The following SND1 variants were observed in gnomAD, a reference collection of about 807,000 sequenced individuals.
SND1 encodes the protein staphylococcal nuclease domain-containing protein 1.
A neutral mutation model predicts 121.7 loss-of-function variants in SND1; 38 were observed. That is an observed-to-expected ratio of 0.31 (90% CI 0.24 to 0.41). The LOEUF is 0.41. Among genes scored for constraint, SND1 ranks in the 10% least tolerant of loss-of-function variants. The pLI is 1.00. For synonymous variants in SND1, 401 were observed against 447.4 expected, an observed-to-expected ratio of 0.90 and a Z score of 1.31; for missense variants, 868 against 1,184.6, an observed-to-expected ratio of 0.73 and a Z score of 3.92.
chr7:127,911,316 G>A (rs1317370371), intron 14 of SND1, among the ~76,000 whole-genome samples: 1 of 151,960 alleles, frequency 6.6e-6, no homozygotes, highest in Non-Finnish European at 1.5e-5. Flanking sequence ...CCCAGACTTT[G>A]GAAAAAACTT....
At chr7:127,699,997 G>A (rs141286626) in intron 4 of SND1, among the ~76,000 whole-genome samples, 261 of 152,322 alleles carry the variant, frequency 1.7e-3, no homozygotes, top group African/African-American at 6.0e-3. Flanking sequence ...TAATTGGGGT[G>A]TGCCAGTGGG....
rs1463689132 is a variant in SND1 at position 128,074,587 on chromosome 7, T to G, written c.1865T>G (p.Leu622Arg). The G allele has an allele frequency of 1.2e-6, 2 of 1,613,722 alleles. No homozygotes were observed. Among genetic ancestry groups the G allele is most frequent in the African/African-American group, 2.7e-5 (2 of 74,942 alleles). The part of the protein sequence containing the change: ...HIDGANLSVL[L>R]VEHALSKVHF... ...GACGGTGCCAACCTGTCCGTCCTGCTGGTGGAGCACGCGCTCTCCAAGGTC... is the reference window on the plus strand; with the variant it reads ...GACGGTGCCAACCTGTCCGTCCTGCGGGTGGAGCACGCGCTCTCCAAGGTC... Residue 622 changes from leucine to arginine, a missense_variant, in exon 17 of 24, where the codon CTG becomes CGG. By Grantham distance (102) the Leu-to-Arg change is moderately radical. Around this residue, in one of 2 missense-constraint regions of SND1, gnomAD observed 743 missense variants for 1,071.3 expected, o/e 0.69. Transcript: ENST00000354725.
chr7:127,984,915 T>G (rs1415301850), intron 15 of SND1, among the ~76,000 whole-genome samples: 1 of 152,226 alleles, frequency 6.6e-6, no homozygotes, highest in Non-Finnish European at 1.5e-5. Flanking sequence ...TCCCCTCTGC[T>G]TATTGCCTCC....
chr7:127,926,718 ATTTTGTTGTTGTTGT>A (rs1359607217), intron 14 of SND1, among the ~76,000 whole-genome samples: 6 of 72,062 alleles, frequency 8.3e-5, no homozygotes, highest in East Asian at 2.7e-4. Context: ...ACACCCGGCT[ATTTTGTTGTTGTTGT>A]TGTTGTTGTT....
In SND1 at chr7:127,980,416, G is replaced by A. The variant is rs1298055071; in HGVS notation, c.1670-10531G>A. 2.4e-4 allele frequency among the ~76,000 whole-genome samples: 4 copies of A among 16,656 alleles called. 2 individuals carry two copies. The highest frequency in any genetic ancestry group is 4.4e-4 in the Non-Finnish European group (4 of 9,002). 10.9% of individuals were successfully genotyped at this position (16,656 alleles called of 152,430 possible). On this transcript the variant is annotated intron_variant, in intron 15 of 23. Transcript: ENST00000354725. ...ATTACAGGCGTGAGCCACCGCGCCC[G>A]GCCTCTTTTTCTTTAAAGTAAAGTT...
rs781043235 is a variant in SND1 at position 128,092,087 on chromosome 7, C to T, written c.*29C>T. 1.1e-5 allele frequency: 18 copies of T among 1,611,122 alleles called. No homozygotes were observed. In the East Asian group the frequency reaches 1.6e-4, roughly 14 times the overall value. The stretch of plus-strand genomic sequence containing the variant: ...GGGGATCGGGTTTGGCCCCCAGCCC[C>T]GCTCACGCCAGTCCCTCTTCCTCTG... On this transcript the variant is annotated 3_prime_UTR_variant, in exon 24 of 24. Transcript: ENST00000354725. This position sits in a 1 kb window ranked among gnomAD's most constrained non-coding sequence, Gnocchi z 4.9.
chr7:127,780,186 C>T (rs1009328663), intron 10 of SND1, among the ~76,000 whole-genome samples: 2 of 152,180 alleles, frequency 1.3e-5, no homozygotes, highest in Admixed American at 1.3e-4. Flanking sequence ...AAAACCCCCA[C>T]CAATGGGACT....
chr7:127,953,740 A>G (rs145321788), intron 15 of SND1, among the ~76,000 whole-genome samples: 1 of 152,322 alleles, frequency 6.6e-6, no homozygotes, highest in African/African-American at 2.4e-5. Context: ...CTTGGATTTG[A>G]AGGTATTGGA....
At position 128,085,969 on chromosome 7, in the gene SND1, G is replaced by T. The variant is rs958141948; in HGVS notation, c.2304+189G>T. ...GCAAAACTGGGGTCTATGACCAGTGGCTGCAAGCACTGATAGGTCCCGCAT... is the reference window on the plus strand; with the variant it reads ...GCAAAACTGGGGTCTATGACCAGTGTCTGCAAGCACTGATAGGTCCCGCAT... On this transcript the variant is annotated intron_variant, in intron 20 of 23. Coordinates refer to ENST00000354725, the MANE Select transcript of SND1 (RefSeq NM_014390.4). This position sits in a 1 kb window ranked among gnomAD's most constrained non-coding sequence, Gnocchi z 4.4. Among the ~76,000 whole-genome samples, 3 of 152,180 alleles carry T rather than the reference G, an allele frequency of 2.0e-5. No homozygotes were observed. The highest frequency in any genetic ancestry group is 2.0e-4 in the Admixed American group (3 of 15,278).
intron 13 of SND1, among the ~76,000 whole-genome samples, chr7:127,894,868 G>A (rs1357852382): frequency 6.6e-6 from 1 of 150,858 alleles, no homozygotes; most frequent in South Asian, 2.1e-4. Context: ...GATAATAGCG[G>A]TGAACAAAAA....
At chr7:127,828,283 C>T (rs1239274219) in intron 11 of SND1, among the ~76,000 whole-genome samples, 1 of 152,104 alleles carries the variant, frequency 6.6e-6, no homozygotes. Context: ...GGGTGTGAGC[C>T]ACTGCGCCCA....
chr7:127,701,084 G>A lies in SND1; in HGVS notation c.429-79G>A, dbSNP rs570888968. 7.3e-6 allele frequency: 11 copies of A among 1,502,972 alleles called. No homozygotes were observed. The Admixed American group carries it at 1.1e-4, about 15-fold the overall frequency. 93.1% of individuals were successfully genotyped at this position (1,502,972 alleles called of 1,614,324 possible). On this transcript the variant is annotated intron_variant, in intron 4 of 23. Coordinates refer to ENST00000354725, the MANE Select transcript of SND1 (RefSeq NM_014390.4). ...GTTGTCTTCAAGGGGTGAAGATGCT[G>A]AAGAAAACCTATATCAGAGAGCCTC... is the stretch of plus-strand genomic sequence containing the variant.
intron 16 of SND1, among the ~76,000 whole-genome samples, chr7:128,054,824 G>A (rs1172077344): frequency 6.6e-6 from 1 of 152,328 alleles, no homozygotes; most frequent in Non-Finnish European, 1.5e-5. Flanking sequence ...CTGCCTCTCA[G>A]TAGTTTGTAA....
At chr7:127,795,438 T>C (rs1797998393) in intron 10 of SND1, among the ~76,000 whole-genome samples, 1 of 152,250 alleles carries the variant, frequency 6.6e-6, no homozygotes, top group East Asian at 1.9e-4. Context: ...ATATTCCTCT[T>C]TATATGGTAG....
chr7:127,861,243 A>G lies in SND1; in HGVS notation c.1343+16819A>G, dbSNP rs543963483. ...AGAATTATATCATTTGGTCTTAGAT[A>G]ACCCTTCAAGGTTGCTTTTCAGGGA... On this transcript the variant is annotated intron_variant, in intron 12 of 23. Transcript: ENST00000354725. 1.1e-4 allele frequency among the ~76,000 whole-genome samples: 16 copies of G among 152,322 alleles called. No homozygotes were observed. The Middle Eastern group carries it at 0.014, about 130-fold the overall frequency.
rs1792532027 is a variant in SND1, at chr7:128,029,983, G to A, written c.1779+38927G>A. The A allele has an allele frequency of 1.9e-6, 3 of 1,613,022 alleles. No individual in the cohort carries two copies. The highest frequency in any genetic ancestry group is 2.2e-5 in the South Asian group (2 of 91,084). On this transcript the variant is annotated intron_variant, in intron 16 of 23. Transcript: ENST00000354725. This position sits in a 1 kb window ranked among gnomAD's most constrained non-coding sequence, Gnocchi z 4.2. ...TTCCCTGACATCTCCAGCTCCTCCA[G>A]CCCCACCAGGGGGGTGAGATTGGGC...
At chr7:127,698,395 CATT>C (rs941203557) in intron 3 of SND1, among the ~76,000 whole-genome samples, 9 of 152,198 alleles carry the variant, frequency 5.9e-5, no homozygotes, top group African/African-American at 1.9e-4. Flanking sequence ...GATTTACACA[CATT>C]ACTATTTAAT....
At chr7:127,778,034 C>G (rs1227611584) in intron 10 of SND1, among the ~76,000 whole-genome samples, 1 of 152,146 alleles carries the variant, frequency 6.6e-6, no homozygotes, top group African/African-American at 2.4e-5. Context: ...TTCACAGCTA[C>G]ACTGGTTCAT....
intron 15 of SND1, among the ~76,000 whole-genome samples, chr7:127,960,955 C>A (rs1801717271): frequency 6.6e-6 from 1 of 152,182 alleles, no homozygotes; most frequent in Non-Finnish European, 1.5e-5. Flanking sequence ...TTTTTTAGTA[C>A]CAAATGTGTC....
Sources: gnomAD v4.1 joint callset for allele counts (sites outside exome capture counted in the v4.1 genomes callset) on GRCh38, gnomAD v4.1.1 for gene constraint, gnomAD v4.1.1 regional missense constraint, Gnocchi (gnomAD v3.1) non-coding constraint, MANE v1.5 for transcripts, NCBI Gene and HGNC (gene_info 2026-07-23, HGNC 2026-07-21) for gene names.